The following DLGAP1 variants were observed in gnomAD, a reference collection of about 807,000 sequenced individuals.
The protein encoded by DLGAP1 is disks large-associated protein 1.
Under a neutral mutation model 90.8 loss-of-function variants are expected in DLGAP1, and 11 were observed. The observed-to-expected ratio is 0.12, with a 90% CI of 0.08 to 0.20. The LOEUF (loss-of-function observed/expected upper bound fraction) is 0.20. Among genes scored for constraint, DLGAP1 ranks in the 10% least tolerant of loss-of-function variants. DLGAP1 has a pLI of 1.00. For synonymous variants in DLGAP1, 558 were observed against 540.7 expected, an observed-to-expected ratio of 1.03 and a Z score of -0.44; for missense variants, 1,050 against 1,333.8, an observed-to-expected ratio of 0.79 and a Z score of 3.31.
chr18:3,838,007 T>C (rs1410822547), intron 4 of DLGAP1, among the ~76,000 whole-genome samples: 1 of 148,912 alleles, frequency 6.7e-6, no homozygotes, highest in East Asian at 1.9e-4. Context: ...TCTTAGTAAT[T>C]AAAAAAAATA....
At chr18:3,906,883 C>A (rs977821269) in intron 3 of DLGAP1, among the ~76,000 whole-genome samples, 2 of 152,106 alleles carry the variant, frequency 1.3e-5, no homozygotes, top group African/African-American at 4.8e-5. Context: ...CCTTTAAAAA[C>A]GACAACCACC....
intron 5 of DLGAP1, among the ~76,000 whole-genome samples, chr18:3,781,464 T>C (rs1295294490): frequency 6.6e-6 from 1 of 152,026 alleles, no homozygotes; most frequent in Non-Finnish European, 1.5e-5. Flanking sequence ...GCTATTCTCC[T>C]GCCTCAGCCT....
rs1033345204 is a variant in DLGAP1 at position 3,835,213 on chromosome 18, A to G, written c.958-20940T>C. On this transcript the variant is annotated intron_variant, in intron 4 of 12. Transcript: ENST00000315677. ...ATTTAGCTGTTTATCCAGCAGCCCT[A>G]TACTTAAAAATAGATGAGATGACAT... Among the ~76,000 whole-genome samples the G allele has an allele frequency of 3.1e-4, 47 of 152,204 alleles. 2 individuals are homozygous for G.
intron 4 of DLGAP1, among the ~76,000 whole-genome samples, chr18:3,851,545 A>G (rs577646857): frequency 3.8e-4 from 58 of 152,278 alleles, no homozygotes; most frequent in African/African-American, 1.3e-3. Context: ...GGAAAATTCA[A>G]CTCATTCAAA....
rs561644694 is a variant in DLGAP1, at chr18:3,973,879, A to G, written c.-73+31237T>C. ...CATGTGCTGCTGTTGTCCTTGTGTGAATGCAGAGTGGACTTAGATGGACCT... is the reference window on the plus strand; with the variant it reads ...CATGTGCTGCTGTTGTCCTTGTGTGGATGCAGAGTGGACTTAGATGGACCT... On this transcript the variant is annotated intron_variant, in intron 3 of 12. Coordinates refer to ENST00000315677, the MANE Select transcript of DLGAP1 (RefSeq NM_004746.4). 1.2e-4 allele frequency among the ~76,000 whole-genome samples: 18 copies of G among 152,202 alleles called. No homozygotes were observed. The South Asian group carries it at 2.7e-3, about 23-fold the overall frequency.
Position 4,323,069 on chromosome 18 carries a change from C to G in DLGAP1, c.-267+131937G>C, listed in dbSNP as rs182072716. Among the ~76,000 whole-genome samples the G allele has an allele frequency of 1.1e-4, 16 of 151,552 alleles. No individual in the cohort carries two copies. In the East Asian group the frequency reaches 2.9e-3, roughly 28 times the overall value. On this transcript the variant is annotated intron_variant, in intron 1 of 12. Transcript: ENST00000315677. The stretch of plus-strand genomic sequence containing the variant: ...CACACATCTGATGAAAGGTTTATAT[C>G]CAGAATACATAAGGAACTTAATAGC...
chr18:4,417,733 C>T (rs1356418944), intron 1 of DLGAP1, among the ~76,000 whole-genome samples: 11 of 152,082 alleles, frequency 7.2e-5, no homozygotes, highest in African/African-American at 2.2e-4. Context: ...AACAAAACAA[C>T]TTAACCCTGG....
intron 9 of DLGAP1, among the ~76,000 whole-genome samples, chr18:3,542,010 ACT>A (rs1187915729): frequency 2.6e-5 from 4 of 152,034 alleles, no homozygotes; most frequent in Non-Finnish European, 5.9e-5. Context: ...AACACCTCTG[ACT>A]CAGTCTGTGC....
intron 7 of DLGAP1, among the ~76,000 whole-genome samples, chr18:3,602,572 G>A (rs1394802308): frequency 7.1e-6 from 1 of 141,726 alleles, no homozygotes; most frequent in Non-Finnish European, 1.5e-5. Context: ...TCCAGCCTGG[G>A]CGACAGAGCG....
intron 7 of DLGAP1, among the ~76,000 whole-genome samples, chr18:3,589,010 C>T (rs867143974): frequency 6.6e-6 from 1 of 151,444 alleles, no homozygotes; most frequent in African/African-American, 2.4e-5. Flanking sequence ...GGTGAAACCC[C>T]GTCTCTACTA....
intron 6 of DLGAP1, among the ~76,000 whole-genome samples, chr18:3,740,402 G>A (rs2062848171): frequency 6.6e-6 from 1 of 152,132 alleles, no homozygotes; most frequent in South Asian, 2.1e-4. Context: ...AGGTTTGCAT[G>A]TTCTTGGAGA....
intron 8 of DLGAP1, among the ~76,000 whole-genome samples, chr18:3,574,756 T>C (rs904877758): frequency 6.6e-6 from 1 of 151,984 alleles, no homozygotes; most frequent in Non-Finnish European, 1.5e-5. Context: ...AGTCAATAAA[T>C]TATGAATCCA....
chr18:4,152,966 C>T (rs773905801), intron 1 of DLGAP1, among the ~76,000 whole-genome samples: 4 of 152,032 alleles, frequency 2.6e-5, no homozygotes, highest in Admixed American at 1.3e-4. Flanking sequence ...ATCATTTATC[C>T]GTTCATGACT....
At chr18:4,309,825 G>C (rs941050285) in intron 1 of DLGAP1, among the ~76,000 whole-genome samples, 1 of 152,118 alleles carries the variant, frequency 6.6e-6, no homozygotes, top group Non-Finnish European at 1.5e-5. Context: ...AATAGTCAAA[G>C]AGTAAAAAAG....
rs763283978 is a variant in DLGAP1 at position 3,775,343 on chromosome 18, G to A, written c.1173-32831C>T. 2.4e-4 allele frequency among the ~76,000 whole-genome samples: 36 copies of A among 152,186 alleles called. No individual in the cohort carries two copies. Among genetic ancestry groups the A allele is most frequent in the Non-Finnish European group, 4.9e-4 (33 of 68,036 alleles). On this transcript the variant is annotated intron_variant, in intron 5 of 12. Coordinates refer to ENST00000315677, the MANE Select transcript of DLGAP1 (RefSeq NM_004746.4). This position sits in a 1 kb window ranked among gnomAD's most constrained non-coding sequence, Gnocchi z 4.9. ...ATGTTGGCGGAAGGGCCTGGTGGGA[G>A]GTGACTGAATCATGGGGGCAGACTT...
chr18:3,807,181 CT>C (rs1423953641), intron 5 of DLGAP1, among the ~76,000 whole-genome samples: 1 of 152,214 alleles, frequency 6.6e-6, no homozygotes, highest in Non-Finnish European at 1.5e-5. Context: ...CTGCAGGCTT[CT>C]GACGCCCCTT....
intron 7 of DLGAP1, among the ~76,000 whole-genome samples, chr18:3,632,317 T>G (rs1369815156): frequency 1.3e-5 from 2 of 151,718 alleles, no homozygotes; most frequent in Non-Finnish European, 1.5e-5. Flanking sequence ...TTTTTTTTTT[T>G]GAGATGGAAT....
intron 1 of DLGAP1, among the ~76,000 whole-genome samples, chr18:4,156,636 A>G (rs2076761170): frequency 6.6e-6 from 1 of 152,234 alleles, no homozygotes; most frequent in African/African-American, 2.4e-5. Context: ...ATTTCCAGGA[A>G]GCAAGGTAAA....
At chr18:4,170,522 A>C (rs1299667844) in intron 1 of DLGAP1, among the ~76,000 whole-genome samples, 2 of 152,138 alleles carry the variant, frequency 1.3e-5, no homozygotes, top group Non-Finnish European at 2.9e-5. Context: ...GCCTGAAAAA[A>C]ATAAGAGATT....
Sources: gnomAD v4.1 joint callset for allele counts (sites outside exome capture counted in the v4.1 genomes callset) on GRCh38, gnomAD v4.1.1 for gene constraint, Gnocchi (gnomAD v3.1) non-coding constraint, MANE v1.5 for transcripts, NCBI Gene and HGNC (gene_info 2026-07-23, HGNC 2026-07-21) for gene names.